FGF14: variants seen among roughly 807,000 people sequenced by gnomAD.
FGF14 encodes the protein fibroblast growth factor homologous factor 4.
A neutral mutation model predicts 25.5 loss-of-function variants in FGF14; 5 were observed. The ratio of observed to expected loss-of-function variants is 0.20; its 90% CI spans 0.10 to 0.41. The LOEUF is 0.41. Among genes scored for constraint, FGF14 ranks in the 10% least tolerant of loss-of-function variants. FGF14 has a pLI of 1.00. For synonymous variants in FGF14, 138 were observed against 118.3 expected (o/e 1.17, Z -1.08); for missense variants, 222 against 320.1 (o/e 0.69, Z 2.34).
intron 1 of FGF14, among the ~76,000 whole-genome samples, chr13:102,099,016 C>T (rs4771418): frequency 0.31 from 46,431 of 152,000 alleles, 8,625 homozygotes; most frequent in Non-Finnish European, 0.41. Context: ...AGGAAGGAAG[C>T]CTCTAGAAAA....
At chr13:102,047,985 A>G (rs1250170660) in intron 1 of FGF14, among the ~76,000 whole-genome samples, 2 of 151,398 alleles carry the variant, frequency 1.3e-5, no homozygotes. Flanking sequence ...TTAGAAGGAG[A>G]CTTTCTAAGC....
intron 1 of FGF14, among the ~76,000 whole-genome samples, chr13:102,019,371 C>T (rs931737314): frequency 1.3e-5 from 2 of 152,118 alleles, no homozygotes; most frequent in African/African-American, 2.4e-5. Flanking sequence ...TGTCTACCCA[C>T]CTGCCTCCCT....
chr13:102,012,733 C>T (rs1417348224), intron 1 of FGF14, among the ~76,000 whole-genome samples: 1 of 152,136 alleles, frequency 6.6e-6, no homozygotes, highest in South Asian at 2.1e-4. Flanking sequence ...AGGAACCCCT[C>T]CCGCACTGGG....
intron 3 of FGF14, among the ~76,000 whole-genome samples, chr13:101,796,279 G>A (rs1233192214): frequency 6.6e-6 from 1 of 151,762 alleles, no homozygotes; most frequent in African/African-American, 2.4e-5. Flanking sequence ...CTGCAATAAC[G>A]CCTTCGATAA....
upstream of FGF14, among the ~76,000 whole-genome samples, chr13:101,917,069 G>A (rs1247242280): frequency 1.3e-5 from 2 of 151,390 alleles, no homozygotes; most frequent in African/African-American, 2.4e-5. Context: ...CTCCCCGGGC[G>A]CCGGCTGGAG....
At chr13:102,035,628 T>C (rs1445275632) in intron 1 of FGF14, among the ~76,000 whole-genome samples, 1 of 152,204 alleles carries the variant, frequency 6.6e-6, no homozygotes, top group African/African-American at 2.4e-5. Flanking sequence ...CTGGAGTTAT[T>C]ATTAGCTTCT....
At chr13:102,184,423 C>T (rs1021966913) in intron 1 of FGF14, among the ~76,000 whole-genome samples, 3 of 152,110 alleles carry the variant, frequency 2.0e-5, no homozygotes, top group African/African-American at 7.2e-5. Flanking sequence ...GGTCCAGTCC[C>T]TGAATCTATC....
At chr13:101,743,951 G>A (rs2036719300) in intron 3 of FGF14, among the ~76,000 whole-genome samples, 1 of 152,028 alleles carries the variant, frequency 6.6e-6, no homozygotes, top group Non-Finnish European at 1.5e-5. Flanking sequence ...CATGTTTTAG[G>A]AAATTAGAAT....
chr13:102,199,963 T>C (rs182407620), intron 1 of FGF14, among the ~76,000 whole-genome samples: 266 of 152,288 alleles, frequency 1.7e-3, no homozygotes, highest in Non-Finnish European at 2.4e-4. Flanking sequence ...AAGAAAATAA[T>C]GTATGCTGCA....
intron 3 of FGF14, among the ~76,000 whole-genome samples, chr13:101,788,499 T>C (rs2039985659): frequency 6.6e-6 from 1 of 152,048 alleles, no homozygotes; most frequent in African/African-American, 2.4e-5. Flanking sequence ...AGAGGCAGTT[T>C]TGAGATAGAA....
chr13:102,289,942 T>C (rs982813158), intron 1 of FGF14, among the ~76,000 whole-genome samples: 1 of 152,114 alleles, frequency 6.6e-6, no homozygotes, highest in Non-Finnish European at 1.5e-5. Flanking sequence ...TTTCTAAGAT[T>C]CTAGTGAAGT....
intron 1 of FGF14, among the ~76,000 whole-genome samples, chr13:102,113,935 T>C (rs1265708899): frequency 2.0e-5 from 3 of 152,198 alleles, no homozygotes; most frequent in African/African-American, 7.2e-5. Flanking sequence ...GCCACCATGT[T>C]GGGGCTCACC....
intron 3 of FGF14, among the ~76,000 whole-genome samples, chr13:101,773,434 T>C (rs1375238867): frequency 2.0e-5 from 3 of 151,998 alleles, no homozygotes; most frequent in South Asian, 4.1e-4. Context: ...GTCAGTGATA[T>C]AGGTGAACAC....
chr13:102,041,346 G>C (rs1170307550), intron 1 of FGF14, among the ~76,000 whole-genome samples: 1 of 151,582 alleles, frequency 6.6e-6, no homozygotes, highest in African/African-American at 2.4e-5. Flanking sequence ...AGAAAAATGG[G>C]AGTGTAATTA....
At chr13:102,330,692 C>T (rs1043528737) in intron 1 of FGF14, among the ~76,000 whole-genome samples, 30 of 152,080 alleles carry the variant, frequency 2.0e-4, no homozygotes, top group African/African-American at 7.2e-4. Context: ...TTGGCAAGGC[C>T]TTCCTGACCA....
At chr13:101,770,810 A>C (rs1318406542) in intron 3 of FGF14, among the ~76,000 whole-genome samples, 2 of 152,124 alleles carry the variant, frequency 1.3e-5, no homozygotes, top group African/African-American at 4.8e-5. Context: ...CCTAATCAAT[A>C]GTACTCAAAT....
At chr13:102,047,559 C>T (rs1471176897) in intron 1 of FGF14, among the ~76,000 whole-genome samples, 2 of 152,116 alleles carry the variant, frequency 1.3e-5, no homozygotes, top group African/African-American at 4.8e-5. Context: ...AACCATCATT[C>T]TCAGCAAACT....
At chr13:102,168,936 A>C (rs569640126) in intron 1 of FGF14, among the ~76,000 whole-genome samples, 1 of 152,122 alleles carries the variant, frequency 6.6e-6, no homozygotes, top group East Asian at 1.9e-4. Context: ...CGATAATATC[A>C]TGGAGAAAAT....
chr13:102,013,599 T>C (rs766250311), intron 1 of FGF14, among the ~76,000 whole-genome samples: 1 of 152,192 alleles, frequency 6.6e-6, no homozygotes, highest in Non-Finnish European at 1.5e-5. Flanking sequence ...AATTCTTGAA[T>C]AACAGAATCC....
Sources: gnomAD v4.1 joint callset for allele counts (sites outside exome capture counted in the v4.1 genomes callset) on GRCh38, gnomAD v4.1.1 for gene constraint, MANE v1.5 for transcripts, NCBI Gene and HGNC (gene_info 2026-07-23, HGNC 2026-07-21) for gene names.